The following GRIP1 variants were observed in gnomAD, a reference collection of about 807,000 sequenced individuals.
GRIP1 encodes the protein glutamate receptor interacting protein 1.
GRIP1 carries 45 observed loss-of-function variants against 129.9 expected under a neutral mutation model. That is an observed-to-expected ratio of 0.35 (90% CI 0.27 to 0.44). The LOEUF (loss-of-function observed/expected upper bound fraction) is 0.44, where lower values mean the gene tolerates loss of function less well. GRIP1 is among the 20% of genes least tolerant of loss of function. The pLI is 1.00. For synonymous variants in GRIP1, 530 were observed against 520.8 expected (o/e 1.02, Z -0.24); for missense variants, 1,196 against 1,396.8 (o/e 0.86, Z 2.29).
chr12:66,814,043 G>C (rs2039156702), intron 1 of GRIP1, among the ~76,000 whole-genome samples: 1 of 151,978 alleles, frequency 6.6e-6, no homozygotes, highest in Admixed American at 6.6e-5. Flanking sequence ...TGGAGATACA[G>C]GTTTAAGGGT....
chr12:66,615,294 T>C (rs1048336515), intron 1 of GRIP1, among the ~76,000 whole-genome samples: 7 of 151,976 alleles, frequency 4.6e-5, no homozygotes, highest in African/African-American at 1.5e-4. Flanking sequence ...TGTCATAGAG[T>C]TCAAGGACTG....
intron 1 of GRIP1, among the ~76,000 whole-genome samples, chr12:66,666,730 T>C (rs879498242): frequency 1.8e-4 from 27 of 152,272 alleles, no homozygotes; most frequent in Middle Eastern, 6.8e-3. Context: ...CATTTTTGCT[T>C]AAGTATAATC....
chr12:66,444,904 G>A (rs1035554662), intron 12 of GRIP1, among the ~76,000 whole-genome samples, 175 bp from the exon 13 acceptor site: 3 of 152,158 alleles, frequency 2.0e-5, no homozygotes, highest in Non-Finnish European at 4.4e-5. Context: ...TGCAGTTCAT[G>A]GTTATAATTG....
chr12:66,812,102 C>T lies in GRIP1; in HGVS notation c.59-215175G>A, dbSNP rs976714787. ...AGCCATTTATCCAATTTGAGTTATC[C>T]AGCATTTCTGCCTCTCCTTTTTACT... On this transcript the variant is annotated intron_variant, in intron 1 of 1. Transcript: ENST00000643019. 3.9e-5 allele frequency among the ~76,000 whole-genome samples: 6 copies of T among 152,162 alleles called. 1 individual carries two copies. Among genetic ancestry groups the T allele is most frequent in the Non-Finnish European group, 8.8e-5 (6 of 67,980 alleles).
At chr12:66,918,578 A>T (rs1020414427) in intron 1 of GRIP1, among the ~76,000 whole-genome samples, 1 of 152,132 alleles carries the variant, frequency 6.6e-6, no homozygotes, top group African/African-American at 2.4e-5. Flanking sequence ...AAGTCTCCCA[A>T]ATTCCAAAGA....
At chr12:66,913,722 T>A (rs1316966581) in intron 1 of GRIP1, among the ~76,000 whole-genome samples, 1 of 152,186 alleles carries the variant, frequency 6.6e-6, no homozygotes, top group Non-Finnish European at 1.5e-5. Context: ...ATGTCTTCAG[T>A]CTAAAGAGGA....
At chr12:66,418,956 G>T (rs557212039) in intron 15 of GRIP1, among the ~76,000 whole-genome samples, 1 of 152,138 alleles carries the variant, frequency 6.6e-6, no homozygotes, top group African/African-American at 2.4e-5. Flanking sequence ...ATACCCAAAA[G>T]AAAGGAAATC....
chr12:66,394,108 C>G, intron 17 of GRIP1, 100 bp downstream of exon 17: 2 of 1,187,932 alleles, frequency 1.7e-6, no homozygotes, highest in Non-Finnish European at 2.5e-6. Flanking sequence ...TTTTAAAAGC[C>G]AACAGATAAC....
intron 1 of GRIP1, among the ~76,000 whole-genome samples, chr12:66,729,749 A>AT (rs1232494513): frequency 2.6e-5 from 4 of 151,656 alleles, no homozygotes; most frequent in Admixed American, 2.0e-4. Context: ...AATTTTTTGT[A>AT]TTTTTTAGTA....
At chr12:66,474,497 G>C (rs1246678399) in intron 7 of GRIP1, among the ~76,000 whole-genome samples, 1 of 152,044 alleles carries the variant, frequency 6.6e-6, no homozygotes, top group East Asian at 1.9e-4. Context: ...GATACCCCTT[G>C]AGAAGAGCAA....
Position 66,394,158 on chromosome 12 carries a change from G to A in GRIP1, c.2129+50C>T, listed in dbSNP as rs1592756493. On this transcript the variant is annotated intron_variant, in intron 17 of 24. Transcript: ENST00000359742. ...CATGTTTTTATGTGGTTGTGAGGAA[G>A]GAAGCCCGTCTCAGACACAGGTAAT... is the stretch of plus-strand genomic sequence containing the variant. The A allele has an allele frequency of 1.3e-6, 2 of 1,556,034 alleles. 1 individual carries two copies. Among genetic ancestry groups the A allele is most frequent in the East Asian group, 4.5e-5 (2 of 44,622 alleles).
upstream of GRIP1, chr12:66,679,150 G>A: frequency 1.4e-6 from 2 of 1,414,602 alleles, no homozygotes; most frequent in Non-Finnish European, 1.8e-6. Flanking sequence ...AATCACAATG[G>A]CTTAGAAAGT....
At chr12:66,696,199 T>A (rs1222685540) in intron 1 of GRIP1, among the ~76,000 whole-genome samples, 1 of 152,072 alleles carries the variant, frequency 6.6e-6, no homozygotes, top group African/African-American at 2.4e-5. Flanking sequence ...TACTTTCACA[T>A]CTCAAGAATG....
intron 14 of GRIP1, among the ~76,000 whole-genome samples, chr12:66,427,956 G>C (rs79158521): frequency 0.025 from 3,733 of 152,216 alleles, 162 homozygotes; most frequent in African/African-American, 0.085. Flanking sequence ...TTATGACTTT[G>C]CCTATAACCT....
intron 1 of GRIP1, among the ~76,000 whole-genome samples, chr12:66,730,153 C>T (rs553799083): frequency 7.2e-5 from 11 of 152,174 alleles, no homozygotes; most frequent in Admixed American, 4.6e-4. Flanking sequence ...AATTATTACA[C>T]CTATTAGTAG....
At chr12:66,675,323 T>C (rs1441552825) in intron 1 of GRIP1, among the ~76,000 whole-genome samples, 2 of 151,954 alleles carry the variant, frequency 1.3e-5, no homozygotes, top group Non-Finnish European at 2.9e-5. Flanking sequence ...AAAAATGCCA[T>C]TGCCAGTGGA....
rs761155485 is a variant in GRIP1, at chr12:66,715,471, T to TGTGAGAGAGAGAGA, written c.-419-85136_-419-85135insTCTCTCTCTCTCAC. 4.5e-5 allele frequency among the ~76,000 whole-genome samples: 5 copies of TGTGAGAGAGAGAGA among 110,138 alleles called. 1 individual carries two copies. The highest frequency in any genetic ancestry group is 1.7e-4 in the African/African-American group (5 of 29,576). The allele number at this position is 110,138 out of a possible 152,430, so 72.3% of individuals were successfully genotyped here. On this transcript the variant is annotated intron_variant, in intron 1 of 4. Coordinates refer to the GRIP1 transcript ENST00000538373. Reference sequence around the variant, plus strand: ...AGCTTGATGTGTGTGTGTGTGTGTGTGAGAGAGAGAGAGAGAGAGAGAGAG... The same window carrying TGTGAGAGAGAGAGA: ...AGCTTGATGTGTGTGTGTGTGTGTGTGTGAGAGAGAGAGAGAGAGAGAGAGAGAGAGAGAGAGAG...
At chr12:66,855,695 C>T (rs1192407485) in intron 1 of GRIP1, among the ~76,000 whole-genome samples, 4 of 151,938 alleles carry the variant, frequency 2.6e-5, no homozygotes, top group Non-Finnish European at 5.9e-5. Flanking sequence ...TTCTCATTAT[C>T]CCCAATGCTA....
chr12:66,720,597 T>C (rs1470506038), intron 1 of GRIP1, among the ~76,000 whole-genome samples: 3 of 152,222 alleles, frequency 2.0e-5, no homozygotes, highest in Non-Finnish European at 2.9e-5. Flanking sequence ...ACATTATATA[T>C]CTTTCATTGT....
Sources: gnomAD v4.1 joint callset for allele counts (sites outside exome capture counted in the v4.1 genomes callset) on GRCh38, gnomAD v4.1.1 for gene constraint, MANE v1.5 for transcripts, NCBI Gene and HGNC (gene_info 2026-07-23, HGNC 2026-07-21) for gene names.